Variants in CDH13 observed in about 807,000 individuals in gnomAD.
CDH13 encodes the protein cadherin 13.
CDH13 carries 24 observed loss-of-function variants against 63.8 expected under a neutral mutation model. That is an observed-to-expected ratio of 0.38 (90% CI 0.27 to 0.53). The LOEUF (loss-of-function observed/expected upper bound fraction) is 0.53. Ranked by LOEUF, CDH13 falls within the 20% of genes least tolerant of loss-of-function variation. The probability of loss-of-function intolerance (pLI) is 0.85; values close to 1 mark genes in which losing one functional copy is unlikely to be tolerated. For synonymous variants in CDH13, 503 were observed against 355.3 expected, an observed-to-expected ratio of 1.42 and a Z score of -4.67; for missense variants, 1,049 against 903.1, an observed-to-expected ratio of 1.16 and a Z score of -2.07.
At chr16:82,923,828 A>T (rs1031945636) in intron 2 of CDH13, among the ~76,000 whole-genome samples, 1 of 152,162 alleles carries the variant, frequency 6.6e-6, no homozygotes, top group African/African-American at 2.4e-5. Flanking sequence ...TGAAACGAAC[A>T]TTGGTTGTAA....
intron 7 of CDH13, among the ~76,000 whole-genome samples, chr16:83,580,763 A>G (rs1037497314): frequency 6.6e-6 from 1 of 152,220 alleles, no homozygotes; most frequent in Non-Finnish European, 1.5e-5. Context: ...AAGTGCTGGT[A>G]TTACAGGCCT....
intron 1 of CDH13, among the ~76,000 whole-genome samples, chr16:82,779,889 C>G (rs2035670770): frequency 6.6e-6 from 1 of 152,056 alleles, no homozygotes; most frequent in Non-Finnish European, 1.5e-5. Context: ...TTTGACAACC[C>G]CTGAGAATCG....
chr16:83,538,514 T>C (rs1284646070), intron 7 of CDH13, among the ~76,000 whole-genome samples: 1 of 152,234 alleles, frequency 6.6e-6, no homozygotes, highest in Non-Finnish European at 1.5e-5. Context: ...ACTCAAAATA[T>C]AGAGTGAAAC....
intron 1 of CDH13, among the ~76,000 whole-genome samples, chr16:82,756,266 A>G (rs550351637): frequency 6.6e-6 from 1 of 152,334 alleles, no homozygotes; most frequent in South Asian, 2.1e-4. Flanking sequence ...GAAAGAGGAA[A>G]AGGACTCATG....
chr16:83,466,105 T>C (rs1241747731), intron 6 of CDH13, among the ~76,000 whole-genome samples: 2 of 152,200 alleles, frequency 1.3e-5, no homozygotes, highest in South Asian at 2.1e-4. Context: ...AAGCAGCCCC[T>C]GCAGTAGCCT....
intron 6 of CDH13, among the ~76,000 whole-genome samples, chr16:83,430,486 A>C (rs2072064553): frequency 6.6e-6 from 1 of 152,240 alleles, no homozygotes; most frequent in Non-Finnish European, 1.5e-5. Context: ...TTAACATTAC[A>C]AATAATAGAC....
At chr16:83,460,420 C>T (rs1008611331) in intron 6 of CDH13, among the ~76,000 whole-genome samples, 3 of 152,136 alleles carry the variant, frequency 2.0e-5, no homozygotes, top group African/African-American at 7.2e-5. Flanking sequence ...GGCACAGAGA[C>T]AAGAACACTC....
At chr16:83,116,546 A>G (rs1411573793) in intron 3 of CDH13, among the ~76,000 whole-genome samples, 1 of 152,172 alleles carries the variant, frequency 6.6e-6, no homozygotes, top group Non-Finnish European at 1.5e-5. Context: ...TCATGGAAAT[A>G]TTGTGGGGAC....
chr16:82,696,826 G>A (rs1425494938), intron 1 of CDH13, among the ~76,000 whole-genome samples: 2 of 152,112 alleles, frequency 1.3e-5, no homozygotes, highest in African/African-American at 2.4e-5. Flanking sequence ...AGTCTTTCAC[G>A]ATACTGTTGT....
chr16:82,969,184 A>G (rs775036888), intron 2 of CDH13, among the ~76,000 whole-genome samples: 5 of 152,222 alleles, frequency 3.3e-5, no homozygotes, highest in Non-Finnish European at 7.3e-5. Context: ...TGTGTAAACC[A>G]AAGGCCAGCA....
intron 3 of CDH13, among the ~76,000 whole-genome samples, chr16:83,068,914 G>C (rs1317196718): frequency 6.6e-6 from 1 of 152,150 alleles, no homozygotes; most frequent in Non-Finnish European, 1.5e-5. Flanking sequence ...TATGACACAT[G>C]ATTGCCACCC....
intron 5 of CDH13, among the ~76,000 whole-genome samples, chr16:83,220,419 C>T (rs113024277): frequency 5.9e-5 from 9 of 152,182 alleles, no homozygotes; most frequent in South Asian, 2.1e-4. Context: ...GTAGTCAACA[C>T]GGTTGGGAGC....
intron 6 of CDH13, among the ~76,000 whole-genome samples, chr16:83,454,895 G>T (rs1331546101): frequency 6.6e-6 from 1 of 151,860 alleles, no homozygotes; most frequent in Non-Finnish European, 1.5e-5. Flanking sequence ...TTTTAGTAGA[G>T]AATGGGGTTT....
chr16:83,367,650 A>T (rs2091283506), intron 6 of CDH13, among the ~76,000 whole-genome samples: 1 of 152,194 alleles, frequency 6.6e-6, no homozygotes, highest in Non-Finnish European at 1.5e-5. Context: ...CTTTTTACCA[A>T]CACATTATTA....
At chr16:82,808,971 A>G (rs533158528) in intron 1 of CDH13, among the ~76,000 whole-genome samples, 50 of 152,176 alleles carry the variant, frequency 3.3e-4, no homozygotes, top group Non-Finnish European at 6.6e-4. Flanking sequence ...TAAACTAAGC[A>G]TGTATCTGTA....
intron 1 of CDH13, among the ~76,000 whole-genome samples, chr16:82,640,200 C>G (rs1909223405): frequency 6.6e-6 from 1 of 152,210 alleles, no homozygotes; most frequent in South Asian, 2.1e-4. Flanking sequence ...CCACCACACC[C>G]TCTTGGGACA....
chr16:83,367,439 A>G (rs1187037018), intron 6 of CDH13, among the ~76,000 whole-genome samples: 2 of 152,218 alleles, frequency 1.3e-5, no homozygotes, highest in Non-Finnish European at 2.9e-5. Flanking sequence ...TACTATGAAT[A>G]ATGCTGCTCT....
intron 3 of CDH13, among the ~76,000 whole-genome samples, chr16:83,119,608 T>A (rs185725516): frequency 1.5e-4 from 23 of 152,360 alleles, no homozygotes; most frequent in Non-Finnish European, 2.8e-4. Context: ...ATTATTTTTG[T>A]CACCACCATT....
intron 6 of CDH13, among the ~76,000 whole-genome samples, chr16:83,414,037 C>A (rs535032106): frequency 3.3e-4 from 50 of 152,250 alleles, no homozygotes; most frequent in Non-Finnish European, 5.4e-4. Flanking sequence ...CCTTTGTAAA[C>A]TTCTGAAAAT....
Sources: allele counts gnomAD v4.1 joint callset (sites outside exome capture counted in the v4.1 genomes callset), GRCh38; gene constraint gnomAD v4.1.1; transcripts MANE v1.5; gene names NCBI Gene and HGNC (gene_info 2026-07-23, HGNC 2026-07-21).